The following CCDC171 variants were observed in gnomAD, a reference collection of about 807,000 sequenced individuals.
The protein encoded by CCDC171 is coiled-coil domain containing 171.
In CCDC171, 177 loss-of-function variants were observed where a neutral mutation model predicts 168.2. The observed-to-expected ratio is 1.05, with a 90% CI of 0.93 to 1.19. The LOEUF (loss-of-function observed/expected upper bound fraction) is 1.19, where lower values mean the gene tolerates loss of function less well. Ranked by LOEUF, CCDC171 falls within the 50% of genes most tolerant of loss-of-function variation. CCDC171 has a pLI of 0.00. For synonymous variants in CCDC171, 687 were observed against 540.8 expected (o/e 1.27, Z -3.75); for missense variants, 1,991 against 1,539.0 (o/e 1.29, Z -4.91).
At position 15,993,250 on chromosome 9, in the gene CCDC171, C is replaced by T. The variant is rs200937272; in HGVS notation, n.369-27339C>T. Among the ~76,000 whole-genome samples the T allele has an allele frequency of 3.3e-5, 5 of 152,098 alleles. No homozygotes were observed. In the East Asian group the frequency reaches 7.8e-4, roughly 24 times the overall value. On this transcript the variant is annotated intron_variant and non_coding_transcript_variant, in intron 3 of 9. Transcript: ENST00000486641. ...TGGTACTGGTACCAAAACAGAGATA[C>T]AGACCAATGGAACAGAACAGAGCCC...
chr9:15,644,299 A>G (rs1246795124), intron 7 of CCDC171, among the ~76,000 whole-genome samples: 2 of 152,256 alleles, frequency 1.3e-5, no homozygotes, highest in Non-Finnish European at 1.5e-5. Context: ...GCTCCAGTCT[A>G]CAGCACCCAG....
chr9:15,974,367 G>A (rs1223322914), downstream of CCDC171, among the ~76,000 whole-genome samples: 1 of 152,148 alleles, frequency 6.6e-6, no homozygotes, highest in African/African-American at 2.4e-5. Context: ...TGAGATCTCT[G>A]TTGTGTCGGC....
chr9:16,022,059 G>C (rs982817544), intron 4 of CCDC171, among the ~76,000 whole-genome samples: 8 of 152,194 alleles, frequency 5.3e-5, no homozygotes, highest in Non-Finnish European at 1.2e-4. Flanking sequence ...AGATGATTTG[G>C]ACAGTTTACA....
Position 15,818,655 on chromosome 9 carries a change from A to C in CCDC171, c.3268-28047A>C, listed in dbSNP as rs2059648864. 1.7e-5 allele frequency among the ~76,000 whole-genome samples: 2 copies of C among 117,878 alleles called. 1 individual carries two copies. The highest frequency in any genetic ancestry group is 1.6e-4 in the Admixed American group (2 of 12,500). 77.3% of individuals were successfully genotyped at this position (117,878 alleles called of 152,430 possible). On this transcript the variant is annotated intron_variant, in intron 21 of 25. Coordinates refer to ENST00000380701, the MANE Select transcript of CCDC171 (RefSeq NM_173550.4). ...GAGAAGTTTAGAGAAAAAAGAATAAAAGAAACGAACAAAGCCTCCAAGAAA... is the reference window on the plus strand; with the variant it reads ...GAGAAGTTTAGAGAAAAAAGAATAACAGAAACGAACAAAGCCTCCAAGAAA...
intron 7 of CCDC171, among the ~76,000 whole-genome samples, chr9:15,634,963 T>C (rs1257114257): frequency 1.3e-5 from 2 of 152,200 alleles, no homozygotes; most frequent in South Asian, 2.1e-4. Context: ...TGTTGCAGCA[T>C]GTATTAGTGC....
the CCDC171 span, among the ~76,000 whole-genome samples, chr9:16,072,662 G>A: frequency 3.9e-5 from 6 of 151,932 alleles, no homozygotes; most frequent in South Asian, 2.1e-4. Context: ...TTCTTGGGAC[G>A]GCATCGTGAT....
chr9:15,767,036 G>A (rs1337134736), intron 18 of CCDC171, among the ~76,000 whole-genome samples: 1 of 152,160 alleles, frequency 6.6e-6, no homozygotes, highest in African/African-American at 2.4e-5. Context: ...TACCAGGAAT[G>A]ATATGCTTTA....
intron 18 of CCDC171, among the ~76,000 whole-genome samples, chr9:15,750,176 G>A (rs751617308): frequency 6.6e-6 from 1 of 152,074 alleles, no homozygotes; most frequent in Non-Finnish European, 1.5e-5. Context: ...TACCATCAGA[G>A]AATGCTATAA....
intron 4 of CCDC171, among the ~76,000 whole-genome samples, chr9:15,579,400 A>G (rs892612097): frequency 2.6e-5 from 4 of 152,184 alleles, no homozygotes; most frequent in Non-Finnish European, 5.9e-5. Flanking sequence ...TTGAGAATCT[A>G]TATGTTCAAG....
At chr9:15,725,241 G>C (rs1436993357) in intron 14 of CCDC171, among the ~76,000 whole-genome samples, 1 of 152,108 alleles carries the variant, frequency 6.6e-6, no homozygotes, top group African/African-American at 2.4e-5. Context: ...TGTAACTCAA[G>C]TAACTATGCT....
At chr9:15,694,794 C>T (rs2051085943) in intron 10 of CCDC171, among the ~76,000 whole-genome samples, 1 of 152,216 alleles carries the variant, frequency 6.6e-6, no homozygotes, top group Non-Finnish European at 1.5e-5. Context: ...GACCAAAGTA[C>T]TGTCACTTGA....
At chr9:15,903,792 G>A (rs1394407059) in intron 24 of CCDC171, among the ~76,000 whole-genome samples, 3 of 152,142 alleles carry the variant, frequency 2.0e-5, no homozygotes, top group Admixed American at 6.5e-5. Context: ...AAGATTAGAC[G>A]AATGCTAACT....
At chr9:16,034,504 T>G (rs545850406) in intron 6 of CCDC171, among the ~76,000 whole-genome samples, 19 of 152,304 alleles carry the variant, frequency 1.2e-4, no homozygotes, top group Non-Finnish European at 2.2e-4. Flanking sequence ...TGAGAACAAC[T>G]GCAGGAGACA....
rs1024563349 is a variant in CCDC171 at position 15,950,383 on chromosome 9, G to T, written c.3754-21226G>T. 2.0e-4 allele frequency among the ~76,000 whole-genome samples: 31 copies of T among 152,182 alleles called. 1 individual carries two copies. Among genetic ancestry groups the T allele is most frequent in the African/African-American group, 7.5e-4 (31 of 41,530 alleles). On this transcript the variant is annotated intron_variant, in intron 25 of 25. Transcript: ENST00000380701. ...TAAGGGCAGCCAGAGAGAAAGGTCG[G>T]GTTACCCACAAGAGAAGCCCATCAG...
At chr9:16,037,859 T>A (rs887258749), upstream of CCDC171, among the ~76,000 whole-genome samples, 4 of 151,758 alleles carry the variant, frequency 2.6e-5, no homozygotes, top group Non-Finnish European at 4.4e-5. Context: ...GAAGTAGAAA[T>A]AGAAAATGAA....
intron 21 of CCDC171, among the ~76,000 whole-genome samples, chr9:15,836,978 A>G (rs2060480423): frequency 6.6e-6 from 1 of 152,176 alleles, no homozygotes; most frequent in South Asian, 2.1e-4. Context: ...AGTTAGCCAC[A>G]TTGGCCAAAT....
At chr9:15,845,780 T>C (rs2060870385) in intron 21 of CCDC171, 1 of 152,058 alleles carries the variant, frequency 6.6e-6, no homozygotes, top group Non-Finnish European at 1.5e-5. Context: ...AGAAATTTTT[T>C]CGGCAAAGGA....
In CCDC171 at chr9:15,973,711, T is replaced by C. The variant is rs1207432727; in HGVS notation, c.*1875T>C. On this transcript the variant is annotated 3_prime_UTR_variant, in exon 26 of 26. Transcript: ENST00000380701. ...GTTTTTATACAGATCATATAATTTC[T>C]GCACATTTCAGAACACCTTTCTCTG... The C allele has an allele frequency of 6.6e-6, 1 of 152,204 alleles. No individual in the cohort carries two copies. Among genetic ancestry groups the C allele is most frequent in the Non-Finnish European group, 1.5e-5 (1 of 68,014 alleles). The allele number at this position is 152,204 out of a possible 1,614,324, so 9.4% of individuals were successfully genotyped here. A position where few individuals can be genotyped will look rare whatever the true frequency, so the allele number is the denominator to read the frequency against.
At chr9:15,829,889 C>T (rs1425296113) in intron 21 of CCDC171, among the ~76,000 whole-genome samples, 2 of 152,174 alleles carry the variant, frequency 1.3e-5, no homozygotes, top group Admixed American at 6.5e-5. Flanking sequence ...CACTGCACTC[C>T]AGCCTGGACA....
Sources: gnomAD v4.1 joint callset for allele counts (sites outside exome capture counted in the v4.1 genomes callset) on GRCh38, gnomAD v4.1.1 for gene constraint, MANE v1.5 for transcripts, NCBI Gene and HGNC (gene_info 2026-07-23, HGNC 2026-07-21) for gene names.